Variants in ACTR3C observed in about 807,000 individuals in gnomAD.
ACTR3C encodes actin related protein 3C.
In ACTR3C, 18 loss-of-function variants were observed where a neutral mutation model predicts 26.3. The ratio of observed to expected loss-of-function variants is 0.68; its 90% CI spans 0.47 to 1.01. The LOEUF (loss-of-function observed/expected upper bound fraction) is 1.01. Ranked by LOEUF, ACTR3C falls within the 50% of genes least tolerant of loss-of-function variation. ACTR3C has a pLI of 0.00. For missense variants in ACTR3C, 184 were observed against 250.7 expected, an observed-to-expected ratio of 0.73 and a Z score of 1.80; for synonymous variants, 55 against 94.5, an observed-to-expected ratio of 0.58 and a Z score of 2.42.
chr7:150,235,023 C>T, the ACTR3C span, among the ~76,000 whole-genome samples: 1 of 152,208 alleles, frequency 6.6e-6, no homozygotes, highest in East Asian at 1.9e-4. Context: ...CTGCAGACCA[C>T]ATTAGCACTA....
the ACTR3C span, among the ~76,000 whole-genome samples, chr7:150,204,586 G>A: frequency 3.3e-5 from 5 of 152,294 alleles, no homozygotes; most frequent in Non-Finnish European, 5.9e-5. Flanking sequence ...CCCATCACCA[G>A]ATGAGATCCA....
intron 6 of ACTR3C, among the ~76,000 whole-genome samples, chr7:150,283,569 C>T (rs911319241): frequency 1.3e-5 from 2 of 151,224 alleles, no homozygotes; most frequent in Admixed American, 1.3e-4. Flanking sequence ...GTTTAGCATA[C>T]ATAATTCAAA....
rs192361061 is a variant in ACTR3C at position 150,253,658 on chromosome 7, A to C, written c.565-4604T>G. On this transcript the variant is annotated intron_variant, in intron 6 of 7. Coordinates refer to ENST00000683684, the MANE Select transcript of ACTR3C (RefSeq NM_001164458.2). ...ATCATAATATCCAGAAGTACAAATTAATAATGGGATAGTAATAAATAGTAC... is the reference window on the plus strand; with the variant it reads ...ATCATAATATCCAGAAGTACAAATTCATAATGGGATAGTAATAAATAGTAC... Among the ~76,000 whole-genome samples the C allele has an allele frequency of 5.0e-3, 756 of 151,976 alleles. 5 individuals are homozygous for C. The highest frequency in any genetic ancestry group is 0.017 in the African/African-American group (710 of 41,282).
At chr7:150,293,012 G>C (rs1419436706) in intron 3 of ACTR3C, among the ~76,000 whole-genome samples, 2 of 152,182 alleles carry the variant, frequency 1.3e-5, no homozygotes, top group Non-Finnish European at 2.9e-5. Flanking sequence ...CAGAGGCTCT[G>C]AAGATCCAGA....
the ACTR3C span, among the ~76,000 whole-genome samples, chr7:150,132,846 C>T: frequency 6.6e-6 from 1 of 152,134 alleles, no homozygotes; most frequent in Non-Finnish European, 1.5e-5. Flanking sequence ...ATGGAATCAA[C>T]CCAGGTGCCC....
chr7:149,906,721 C>T, the ACTR3C span, among the ~76,000 whole-genome samples: 1,766 of 123,482 alleles, frequency 0.014, 51 homozygotes, highest in African/African-American at 0.051. Flanking sequence ...CGTGAGCCAC[C>T]GCGCCCAGCC....
At chr7:149,964,671 C>T in the ACTR3C span, among the ~76,000 whole-genome samples, 1 of 152,166 alleles carries the variant, frequency 6.6e-6, no homozygotes, top group East Asian at 1.9e-4. Flanking sequence ...CTTCGAAAAC[C>T]TCTCTTGATT....
At chr7:150,039,698 G>GA in the ACTR3C span, among the ~76,000 whole-genome samples, 10 of 133,458 alleles carry the variant, frequency 7.5e-5, 1 homozygote, top group East Asian at 2.6e-4. Flanking sequence ...TCCTAAGCCG[G>GA]GGGGGAAGAG....
At chr7:149,988,555 T>C in the ACTR3C span, among the ~76,000 whole-genome samples, 11 of 152,346 alleles carry the variant, frequency 7.2e-5, 1 homozygote, top group African/African-American at 2.4e-4. Flanking sequence ...TTCTGCATTT[T>C]ACAAGCAAGG....
chr7:150,114,461 G>A, the ACTR3C span, among the ~76,000 whole-genome samples: 2 of 151,698 alleles, frequency 1.3e-5, no homozygotes, highest in African/African-American at 2.4e-5. Flanking sequence ...GTCTCGGTAG[G>A]AGTTCAGAAG....
At chr7:150,004,334 T>C in the ACTR3C span, 4 of 152,046 alleles carry the variant, frequency 2.6e-5, no homozygotes, top group Non-Finnish European at 4.4e-5. Flanking sequence ...GTTGGAAATA[T>C]GTGGAGAAGC....
At chr7:150,261,808 G>A (rs1833659639) in intron 6 of ACTR3C, among the ~76,000 whole-genome samples, 1 of 41,092 alleles carries the variant, frequency 2.4e-5, no homozygotes, top group Admixed American at 2.8e-4. Context: ...ATATACTGAA[G>A]TACTAGCTCC....
intron 1 of ACTR3C, among the ~76,000 whole-genome samples, chr7:150,315,830 CTT>C (rs111902608): frequency 5.4e-5 from 8 of 148,926 alleles, no homozygotes; most frequent in South Asian, 2.1e-4. Context: ...CAACACTATA[CTT>C]TTTTTTTTTT....
intron 6 of ACTR3C, among the ~76,000 whole-genome samples, chr7:150,250,250 C>A (rs924992185): frequency 7.0e-6 from 1 of 143,506 alleles, no homozygotes; most frequent in Non-Finnish European, 1.5e-5. Flanking sequence ...GTCGCCCAGG[C>A]TGGAGTGCAG....
the ACTR3C span, among the ~76,000 whole-genome samples, chr7:150,086,462 C>A: frequency 0.042 from 5,637 of 135,340 alleles, no homozygotes; most frequent in East Asian, 0.069. Flanking sequence ...GAAATTCCCA[C>A]AGTTCTCATC....
the ACTR3C span, among the ~76,000 whole-genome samples, chr7:150,207,441 T>C: frequency 0.06 from 9,092 of 152,170 alleles, 862 homozygotes; most frequent in African/African-American, 0.21. Context: ...GTATTCAGCA[T>C]TGGATAAATT....
the ACTR3C span, among the ~76,000 whole-genome samples, chr7:150,171,758 T>C: frequency 1.3e-5 from 2 of 150,228 alleles, no homozygotes; most frequent in Non-Finnish European, 2.9e-5. Flanking sequence ...AGAAAATAGG[T>C]AAGACACAGC....
At chr7:149,923,114 A>C in the ACTR3C span, among the ~76,000 whole-genome samples, 1 of 150,676 alleles carries the variant, frequency 6.6e-6, no homozygotes, top group Non-Finnish European at 1.5e-5. Flanking sequence ...ACTATATATA[A>C]TGATAACAAT....
the ACTR3C span, among the ~76,000 whole-genome samples, chr7:149,969,269 C>CTGTGTGTGTG: frequency 1.2e-3 from 175 of 141,538 alleles, 1 homozygote; most frequent in African/African-American, 4.7e-3. Flanking sequence ...TCAGAAAGAG[C>CTGTGTGTGTG]TGTGTGTGTG....
Sources: gnomAD v4.1 joint callset for allele counts (sites outside exome capture counted in the v4.1 genomes callset) on GRCh38, gnomAD v4.1.1 for gene constraint, MANE v1.5 for transcripts, NCBI Gene and HGNC (gene_info 2026-07-23, HGNC 2026-07-21) for gene names.